ZFP1: variants seen among roughly 807,000 people sequenced by gnomAD.
ZFP1 encodes zinc finger protein 1 homolog.
A neutral mutation model predicts 38.5 loss-of-function variants in ZFP1; 32 were observed. The ratio of observed to expected loss-of-function variants is 0.83; its 90% confidence interval spans 0.63 to 1.12. ZFP1 has a LOEUF of 1.12. ZFP1 is among the 50% of genes most tolerant of loss of function. The probability of loss-of-function intolerance (pLI) is 0.00; values close to 1 mark genes in which losing one functional copy is unlikely to be tolerated. For synonymous variants in ZFP1, 245 were observed against 168.8 expected, an observed-to-expected ratio of 1.45 and a Z score of -3.50; for missense variants, 616 against 480.8, an observed-to-expected ratio of 1.28 and a Z score of -2.63.
the ZFP1 span, among the ~76,000 whole-genome samples, chr16:75,129,271 G>T: frequency 6.6e-6 from 1 of 152,098 alleles, no homozygotes; most frequent in Non-Finnish European, 1.5e-5. Flanking sequence ...GGACTTACCT[G>T]TCTAGGAATA....
the ZFP1 span, among the ~76,000 whole-genome samples, chr16:75,139,472 GC>G: frequency 6.6e-6 from 1 of 151,170 alleles, no homozygotes; most frequent in Non-Finnish European, 1.5e-5. Flanking sequence ...CAGGAGGATT[GC>G]TTGAGCCCAG....
the ZFP1 span, among the ~76,000 whole-genome samples, chr16:75,129,126 C>T: frequency 7.9e-5 from 12 of 152,230 alleles, no homozygotes; most frequent in South Asian, 2.1e-4. Context: ...GTATGGACTT[C>T]GGAGTAATGT....
upstream of ZFP1, among the ~76,000 whole-genome samples, chr16:75,147,747 T>C (rs1219295363): frequency 6.6e-6 from 1 of 152,106 alleles, no homozygotes; most frequent in Non-Finnish European, 1.5e-5. Context: ...AAAACTGTTC[T>C]AAAGGATGAA....
chr16:75,166,671 A>C, intron 2 of ZFP1, 99 bp from the exon 3 acceptor site: 3 of 1,595,014 alleles, frequency 1.9e-6, no homozygotes, highest in South Asian at 2.3e-5. Flanking sequence ...TCGTTGGTGT[A>C]ATATATAGAT....
chr16:75,141,701 G>C, the ZFP1 span, among the ~76,000 whole-genome samples: 2 of 151,196 alleles, frequency 1.3e-5, no homozygotes, highest in Non-Finnish European at 2.9e-5. Flanking sequence ...AGCCTGGGCA[G>C]GATAGGGAGA....
intron 2 of ZFP1, 63 bp from the exon 3 acceptor site, chr16:75,166,707 T>G (rs2038104467): frequency 5.6e-6 from 9 of 1,611,282 alleles, no homozygotes; most frequent in South Asian, 1.1e-5. Context: ...CATAAAGTTT[T>G]CATCTATCCT....
At chr16:75,161,929 C>T (rs1365389388) in intron 2 of ZFP1, among the ~76,000 whole-genome samples, 27 of 149,208 alleles carry the variant, frequency 1.8e-4, no homozygotes, top group African/African-American at 4.7e-4. Context: ...GGACTACAGG[C>T]GCCCGCTACT....
upstream of ZFP1, among the ~76,000 whole-genome samples, chr16:75,145,283 A>T (rs540784966): frequency 1.5e-4 from 23 of 152,354 alleles, no homozygotes; most frequent in East Asian, 4.0e-3. Flanking sequence ...AATGCTGGTG[A>T]GAAATTGGAG....
chr16:75,125,022 G>A, the ZFP1 span, among the ~76,000 whole-genome samples: 1 of 152,048 alleles, frequency 6.6e-6, no homozygotes, highest in Non-Finnish European at 1.5e-5. Flanking sequence ...AACACTTTGG[G>A]AGGCCGAGGT....
the ZFP1 span, among the ~76,000 whole-genome samples, chr16:75,135,927 T>G: frequency 1.4e-4 from 21 of 152,230 alleles, no homozygotes; most frequent in Non-Finnish European, 2.9e-4. Context: ...GCGATTCTCC[T>G]GCCTCAGCCT....
At chr16:75,159,625 C>T (rs1278701028) in intron 2 of ZFP1, among the ~76,000 whole-genome samples, 1 of 151,664 alleles carries the variant, frequency 6.6e-6, no homozygotes, top group African/African-American at 2.4e-5. Flanking sequence ...AAGCTGGTCT[C>T]AAACTCTTGG....
At chr16:75,141,987 G>A in the ZFP1 span, among the ~76,000 whole-genome samples, 3 of 149,826 alleles carry the variant, frequency 2.0e-5, no homozygotes, top group African/African-American at 7.4e-5. Context: ...CCAGGAGGCA[G>A]ACATTGCCGT....
chr16:75,123,135 C>T, the ZFP1 span, among the ~76,000 whole-genome samples: 26 of 151,900 alleles, frequency 1.7e-4, no homozygotes, highest in Admixed American at 1.2e-3. Context: ...GAGTGGATCA[C>T]GTGAGGTCAG....
At chr16:75,137,461 C>CT in the ZFP1 span, among the ~76,000 whole-genome samples, 453 of 89,374 alleles carry the variant, frequency 5.1e-3, 26 homozygotes, top group African/African-American at 0.015. Flanking sequence ...AAAAAAAATT[C>CT]TTTTTTTTTT....
chr16:75,156,204 A>G (rs553359431), intron 2 of ZFP1, among the ~76,000 whole-genome samples: 1 of 152,280 alleles, frequency 6.6e-6, no homozygotes, highest in East Asian at 1.9e-4. Context: ...CGGTAATCCT[A>G]GCACTTTGGG....
rs955261756 is a variant in ZFP1, at chr16:75,150,387, T to G, written c.-44+1744T>G. ...CTACACCTGGCTAATTTTTTTATTT[T>G]TTTTTGTATTTTTAGTAGAGACGGG... On this transcript the variant is annotated intron_variant, in intron 1 of 3. Transcript: ENST00000570010. Among the ~76,000 whole-genome samples the G allele has an allele frequency of 5.2e-4, 79 of 150,526 alleles. 1 individual carries two copies. Among genetic ancestry groups the G allele is most frequent in the African/African-American group, 1.9e-3 (77 of 40,944 alleles).
At chr16:75,167,231 G>T (rs969147511) in intron 3 of ZFP1, among the ~76,000 whole-genome samples, 2 of 152,204 alleles carry the variant, frequency 1.3e-5, no homozygotes, top group Non-Finnish European at 2.9e-5. Flanking sequence ...AGAAGCAGAA[G>T]CCAGTGGAAT....
At chr16:75,160,885 G>A (rs758407709) in intron 2 of ZFP1, among the ~76,000 whole-genome samples, 33 of 151,884 alleles carry the variant, frequency 2.2e-4, no homozygotes, top group African/African-American at 6.0e-4. Context: ...TCCTAACCCC[G>A]CTCACAAGGG....
rs1446940609 is a variant in ZFP1 at position 75,170,246 on chromosome 16, C to G, written c.1136C>G (p.Pro379Arg). The G allele has an allele frequency of 6.2e-7, 1 of 1,614,058 alleles. No homozygotes were observed. Among genetic ancestry groups the G allele is most frequent in the South Asian group, 1.1e-5 (1 of 91,064 alleles). The change falls in exon 4 of 4, where the codon CCA becomes CGA. Residue 379 changes from proline (P) to arginine (R), a missense_variant. Coordinates refer to ENST00000570010, the MANE Select transcript of ZFP1 (RefSeq NM_153688.4). ...LHLRIHTGEK[P>R]YECSECGKAF... ...TTGCGAATCCACACAGGAGAGAAAC[C>G]ATATGAGTGTTCCGAATGTGGGAAG...
Sources: gnomAD v4.1 joint callset for allele counts (sites outside exome capture counted in the v4.1 genomes callset) on GRCh38, gnomAD v4.1.1 for gene constraint, MANE v1.5 for transcripts, NCBI Gene and HGNC (gene_info 2026-07-23, HGNC 2026-07-21) for gene names.